THRAP3: variants seen among roughly 807,000 people sequenced by gnomAD.
THRAP3 encodes thyroid hormone receptor associated protein 3, also known as thyroid hormone receptor-associated protein 3.
A neutral mutation model predicts 101.0 loss-of-function variants in THRAP3; 16 were observed. The observed-to-expected ratio is 0.16, with a 90% CI of 0.11 to 0.24. The LOEUF (loss-of-function observed/expected upper bound fraction) is 0.24. THRAP3 is among the 10% of genes least tolerant of loss of function. The pLI is 1.00. For missense variants in THRAP3, 989 were observed against 1,202.7 expected, an observed-to-expected ratio of 0.82 and a Z score of 2.63; for synonymous variants, 407 against 422.6, an observed-to-expected ratio of 0.96 and a Z score of 0.45.
intron 10 of THRAP3, 134 bp downstream of exon 10, chr1:36,301,218 C>T: frequency 1.1e-6 from 1 of 944,682 alleles, no homozygotes; most frequent in Admixed American, 2.9e-5. Context: ...CTTTGGTTCT[C>T]CTTCCCACAT....
At chr1:36,301,439 C>T in intron 10 of THRAP3, 114 bp from the exon 11 acceptor site, 1 of 1,326,524 alleles carries the variant, frequency 7.5e-7, no homozygotes. Flanking sequence ...CAGCATATGA[C>T]TGGAAGACAG....
chr1:36,257,255 C>T (rs537007020), intron 1 of THRAP3, among the ~76,000 whole-genome samples: 6 of 152,086 alleles, frequency 3.9e-5, no homozygotes, highest in African/African-American at 7.2e-5. Flanking sequence ...TCCCTTAATG[C>T]GTGATATAAA....
At chr1:36,242,362 A>T (rs908045502) in intron 1 of THRAP3, among the ~76,000 whole-genome samples, 1 of 151,788 alleles carries the variant, frequency 6.6e-6, no homozygotes, top group Non-Finnish European at 1.5e-5. Context: ...CATGTTGCCC[A>T]GGTTGATCTT....
chr1:36,248,907 T>TC (rs557900964), intron 1 of THRAP3, among the ~76,000 whole-genome samples: 263 of 151,626 alleles, frequency 1.7e-3, no homozygotes, highest in Non-Finnish European at 2.9e-3. Flanking sequence ...TTTCTTTCTT[T>TC]TTTTTTTTTG....
chr1:36,296,868 T>TGCTATAATTACTAACCCTAA, intron 9 of THRAP3, 98 bp downstream of exon 9: 1 of 913,504 alleles, frequency 1.1e-6, no homozygotes, highest in Non-Finnish European at 1.6e-6. Context: ...AGTTTAGGGT[T>TGCTATAATTACTAACCCTAA]AGTAATTATA....
intron 1 of THRAP3, among the ~76,000 whole-genome samples, chr1:36,246,548 A>G (rs1645233704): frequency 6.6e-6 from 1 of 152,184 alleles, no homozygotes; most frequent in Non-Finnish European, 1.5e-5. Context: ...CTTTTTAAAA[A>G]ATAAATAACA....
intron 11 of THRAP3, among the ~76,000 whole-genome samples, chr1:36,303,215 C>T (rs1195518872): frequency 3.3e-5 from 5 of 151,004 alleles, no homozygotes; most frequent in East Asian, 1.9e-4. Flanking sequence ...CTGCCTGCCT[C>T]GGCCTCCCAA....
chr1:36,213,469 G>C, the THRAP3 span, among the ~76,000 whole-genome samples: 1 of 151,266 alleles, frequency 6.6e-6, no homozygotes, highest in African/African-American at 2.4e-5. Context: ...AGTGGATGTT[G>C]TGACTGATGT....
chr1:36,263,059 C>T (rs1645467976), intron 2 of THRAP3, among the ~76,000 whole-genome samples: 1 of 149,992 alleles, frequency 6.7e-6, no homozygotes, highest in Non-Finnish European at 1.5e-5. Context: ...ATCTGCCCAC[C>T]TTGGCCTCCC....
chr1:36,239,112 G>A (rs1645124919), intron 1 of THRAP3, among the ~76,000 whole-genome samples: 1 of 150,822 alleles, frequency 6.6e-6, no homozygotes, highest in African/African-American at 2.4e-5. Context: ...TTTTTTGTTA[G>A]CCAGGATGGT....
chr1:36,304,512 C>T lies in THRAP3; in HGVS notation c.*495C>T, dbSNP rs1646074008. ...TATTAGAAACATTTAATTTGGGAAA[C>T]TTTGATTCTTGAAAGAGAAAACAAA... is the stretch of plus-strand genomic sequence containing the variant. On this transcript the variant is annotated 3_prime_UTR_variant, in exon 12 of 12. Coordinates refer to ENST00000354618, the MANE Select transcript of THRAP3 (RefSeq NM_005119.4). 1 of 194,050 alleles carries T rather than the reference C, an allele frequency of 5.2e-6. No homozygotes were observed. The highest frequency in any genetic ancestry group is 1.0e-5 in the Non-Finnish European group (1 of 97,656). The allele number at this position is 194,050 out of a possible 1,614,324, so 12.0% of individuals were successfully genotyped here. A position where few individuals can be genotyped will look rare whatever the true frequency, so the allele number is the denominator to read the frequency against.
At chr1:36,267,233 AGTGTAT>A (rs1645526960) in intron 2 of THRAP3, among the ~76,000 whole-genome samples, 1 of 152,142 alleles carries the variant, frequency 6.6e-6, no homozygotes, top group Non-Finnish European at 1.5e-5. Flanking sequence ...TCAGAGTCAC[AGTGTAT>A]GTGTATGTGT....
At chr1:36,208,205 C>T in the THRAP3 span, among the ~76,000 whole-genome samples, 1 of 152,210 alleles carries the variant, frequency 6.6e-6, no homozygotes, top group African/African-American at 2.4e-5. Flanking sequence ...GCCTCCCCCA[C>T]GCTCTCTGAG....
rs1301959875 is a variant in THRAP3 at position 36,275,608 on chromosome 1, T to G, written c.-31-6925T>G. 1.2e-3 allele frequency among the ~76,000 whole-genome samples: 111 copies of G among 95,812 alleles called. 3 individuals are homozygous for G. The highest frequency in any genetic ancestry group is 6.5e-3 in the South Asian group (18 of 2,752). 62.9% of individuals were successfully genotyped at this position (95,812 alleles called of 152,430 possible). The stretch of plus-strand genomic sequence containing the variant: ...TCTCAAAAAAAAAAAAAAAAAAGTC[T>G]TCTTTTTTTTTTTTCTTTTGAGATG... On this transcript the variant is annotated intron_variant, in intron 2 of 11. Coordinates refer to ENST00000354618, the MANE Select transcript of THRAP3 (RefSeq NM_005119.4).
chr1:36,267,226 G>C (rs906952828), intron 2 of THRAP3, among the ~76,000 whole-genome samples: 2 of 152,096 alleles, frequency 1.3e-5, no homozygotes, highest in Non-Finnish European at 2.9e-5. Flanking sequence ...ATTAATTTCA[G>C]AGTCACAGTG....
chr1:36,303,942 A>AGGG lies in THRAP3; in HGVS notation c.2795_2797dup (p.Gly932dup). On this transcript the variant is annotated inframe_insertion, in exon 12 of 12. Transcript: ENST00000354618. ...CCCATGACAAGTTCAGTGGGGAGGAAGGGGAGATTGAAGACGACGAGAGTG... is the reference window on the plus strand; with the variant it reads ...CCCATGACAAGTTCAGTGGGGAGGAAGGGGGGGAGATTGAAGACGACGAGAGTG... 2 of 1,612,880 alleles carry AGGG rather than the reference A, an allele frequency of 1.2e-6. No homozygotes were observed. Among genetic ancestry groups the AGGG allele is most frequent in the Non-Finnish European group, 1.7e-6 (2 of 1,179,488 alleles).
At chr1:36,228,749 A>C (rs1318379616) in intron 1 of THRAP3, among the ~76,000 whole-genome samples, 2 of 152,200 alleles carry the variant, frequency 1.3e-5, no homozygotes, top group Non-Finnish European at 2.9e-5. Context: ...GCATTTTCTC[A>C]AGGAAAATGT....
At chr1:36,243,650 C>T (rs562405295) in intron 1 of THRAP3, among the ~76,000 whole-genome samples, 6 of 152,066 alleles carry the variant, frequency 3.9e-5, no homozygotes, top group Admixed American at 6.5e-5. Flanking sequence ...CCCCACCCTT[C>T]GCCCCCTTCT....
intron 1 of THRAP3, among the ~76,000 whole-genome samples, chr1:36,229,610 T>G (rs1033055537): frequency 6.6e-6 from 1 of 152,068 alleles, no homozygotes. Context: ...AGTACATATT[T>G]TAAGTGTTCC....
Sources: allele counts gnomAD v4.1 joint callset (sites outside exome capture counted in the v4.1 genomes callset), GRCh38; gene constraint gnomAD v4.1.1; transcripts MANE v1.5; gene names NCBI Gene and HGNC (gene_info 2026-07-23, HGNC 2026-07-21).